The following ATAD2 variants were observed in gnomAD, a reference collection of about 807,000 sequenced individuals.
ATAD2 encodes ATPase family AAA domain containing 2.
In ATAD2, 62 loss-of-function variants were observed where a neutral mutation model predicts 168.9. The ratio of observed to expected loss-of-function variants is 0.37; its 90% CI spans 0.30 to 0.45. The LOEUF is 0.45. Among genes scored for constraint, ATAD2 ranks in the 20% least tolerant of loss-of-function variants. ATAD2 has a pLI of 1.00. For synonymous variants in ATAD2, 613 were observed against 571.6 expected, an observed-to-expected ratio of 1.07 and a Z score of -1.03; for missense variants, 1,419 against 1,667.8, an observed-to-expected ratio of 0.85 and a Z score of 2.60.
rs1563841076 is a variant in ATAD2, at chr8:123,345,079, A to C, written c.2533-10T>G. On this transcript the variant is annotated splice_polypyrimidine_tract_variant and intron_variant, in intron 18 of 27. Transcript: ENST00000287394. The stretch of plus-strand genomic sequence containing the variant: ...TAGCTTCACGAATCACCTAGTAGAG[A>C]GAGAACAAAACAAATTCAGTTAGAG... 6.3e-7 allele frequency: 1 copy of C among 1,586,210 alleles called. No individual in the cohort carries two copies. Among genetic ancestry groups the C allele is most frequent in the Middle Eastern group, 1.7e-4 (1 of 5,922 alleles).
intron 13 of ATAD2, among the ~76,000 whole-genome samples, chr8:123,355,596 A>T (rs987442694): frequency 2.0e-5 from 3 of 152,158 alleles, no homozygotes; most frequent in Non-Finnish European, 4.4e-5. Flanking sequence ...CCTAAGTTAG[A>T]TTTTGTTTAG....
Position 123,356,373 on chromosome 8 carries a change from A to T in ATAD2, c.1646+16T>A, listed in dbSNP as rs377718524. 32 of 1,596,034 alleles carry T rather than the reference A, an allele frequency of 2.0e-5. No individual in the cohort carries two copies. Among genetic ancestry groups the T allele is most frequent in the Non-Finnish European group, 2.4e-5 (28 of 1,165,898 alleles). Reference sequence around the variant, plus strand: ...AAATAGGAAGAAACGTTGAAGTGCCATCAAGCAAGTTTTACCTGTGAATCT... The same window carrying T: ...AAATAGGAAGAAACGTTGAAGTGCCTTCAAGCAAGTTTTACCTGTGAATCT... On this transcript the variant is annotated intron_variant, in intron 13 of 27. Transcript: ENST00000287394.
intron 26 of ATAD2, 26 bp from the exon 27 acceptor site, chr8:123,323,092 T>C (rs543179716): frequency 3.8e-6 from 6 of 1,589,954 alleles, no homozygotes; most frequent in Middle Eastern, 2.0e-4. Flanking sequence ...AGTGTCAATA[T>C]GTGTGAGAGA....
chr8:123,407,597 G>A lies in ATAD2; in HGVS notation c.-2281-6422C>T, dbSNP rs574774876. On this transcript the variant is annotated intron_variant, in intron 1 of 28. Coordinates refer to the ATAD2 transcript ENST00000521903. Reference sequence around the variant, plus strand: ...AAATTAGCTGGGTGTGGTGGCGGGCGCCTGTAGTCCCAGCACTTTGGGAGG... The same window carrying A: ...AAATTAGCTGGGTGTGGTGGCGGGCACCTGTAGTCCCAGCACTTTGGGAGG... Among the ~76,000 whole-genome samples the A allele has an allele frequency of 4.8e-4, 73 of 151,690 alleles. 2 individuals carry two copies. The highest frequency in any genetic ancestry group is 6.8e-3 in the Middle Eastern group (2 of 294).
chr8:123,392,498 TA>T (rs557369612), intron 1 of ATAD2, among the ~76,000 whole-genome samples: 9 of 148,662 alleles, frequency 6.1e-5, no homozygotes, highest in Middle Eastern at 3.5e-3. Flanking sequence ...AGTTTTCTCA[TA>T]AAAAAAAAAT....
upstream of ATAD2, chr8:123,400,938 G>A: frequency 7.2e-7 from 1 of 1,398,182 alleles, no homozygotes; most frequent in Non-Finnish European, 1.0e-6. The surrounding 1 kb of genome is among the most constrained non-coding windows in gnomAD (Gnocchi z 4.5). Context: ...CCATGGTGCT[G>A]AGCCCCTCGC....
At chr8:123,388,155 C>A (rs1829700217) in intron 1 of ATAD2, among the ~76,000 whole-genome samples, 1 of 152,176 alleles carries the variant, frequency 6.6e-6, no homozygotes, top group African/African-American at 2.4e-5. Context: ...ATCCAATAGC[C>A]TTTTCTCTAC....
At chr8:123,361,704 A>G (rs768404929) in intron 8 of ATAD2, 58 bp from the exon 9 acceptor site, 30 of 1,393,742 alleles carry the variant, frequency 2.2e-5, no homozygotes, top group Admixed American at 8.7e-5. Flanking sequence ...AAGAAAAGGC[A>G]TAAGAAAAGC....
intron 2 of ATAD2, among the ~76,000 whole-genome samples, chr8:123,377,628 T>C (rs1383973778): frequency 6.6e-6 from 1 of 152,226 alleles, no homozygotes; most frequent in African/African-American, 2.4e-5. Context: ...TGTATGAATG[T>C]GGTATTGACT....
rs1828252888 is a variant in ATAD2 at position 123,346,658 on chromosome 8, GAGA to G, written c.2302_2304del (p.Ser768del). On this transcript the variant is annotated inframe_deletion, in exon 17 of 28. Coordinates refer to ENST00000287394, the MANE Select transcript of ATAD2 (RefSeq NM_014109.4). ...AAATTAAAATTGTCTTTTGCCTTAT[GAGA>G]AGATTTCTGAGAAAGTCCATTTTCA... 1 of 1,583,564 alleles carries G rather than the reference GAGA, an allele frequency of 6.3e-7. No individual in the cohort carries two copies. The highest frequency in any genetic ancestry group is 8.6e-7 in the Non-Finnish European group (1 of 1,163,708).
At chr8:123,327,991 ATC>A (rs1353686782) in intron 25 of ATAD2, among the ~76,000 whole-genome samples, 197 bp downstream of exon 25, 2 of 152,198 alleles carry the variant, frequency 1.3e-5, no homozygotes, top group Non-Finnish European at 2.9e-5. Context: ...GGAGGCTCAA[ATC>A]TAGGTCTGTT....
intron 11 of ATAD2, among the ~76,000 whole-genome samples, chr8:123,358,723 CTTT>C (rs772822406): frequency 6.0e-4 from 46 of 76,842 alleles, no homozygotes; most frequent in African/African-American, 2.1e-3. Context: ...TGGTACATTA[CTTT>C]TTTTTTTTTT....
intron 22 of ATAD2, among the ~76,000 whole-genome samples, chr8:123,335,827 T>C (rs1586860937): frequency 6.6e-6 from 1 of 152,026 alleles, no homozygotes. Context: ...ATAGATGCGA[T>C]AGGTGAAAGC....
chr8:123,330,717 G>C (rs1375723306), intron 24 of ATAD2, among the ~76,000 whole-genome samples: 2 of 151,936 alleles, frequency 1.3e-5, no homozygotes, highest in Non-Finnish European at 2.9e-5. Flanking sequence ...ACCATCTTTT[G>C]CTGGCATTAA....
At chr8:123,343,647 A>G (rs886138214) in intron 19 of ATAD2, among the ~76,000 whole-genome samples, 2 of 152,244 alleles carry the variant, frequency 1.3e-5, no homozygotes, top group African/African-American at 2.4e-5. Flanking sequence ...ACAGAAGCCT[A>G]CAATATGCTT....
intron 1 of ATAD2, among the ~76,000 whole-genome samples, chr8:123,382,016 A>C (rs1186799154): frequency 6.6e-6 from 1 of 152,204 alleles, no homozygotes; most frequent in Non-Finnish European, 1.5e-5. Context: ...ACTGCACTCC[A>C]GCCTGGGCGA....
intron 19 of ATAD2, chr8:123,344,628 T>A: frequency 2.7e-6 from 1 of 377,172 alleles, no homozygotes; most frequent in Non-Finnish European, 5.0e-6. Context: ...ATTACAGGCG[T>A]GAGCCACTGC....
At position 123,336,458 on chromosome 8, in the gene ATAD2, C is replaced by T. The variant is rs1035916487; in HGVS notation, c.3126G>A (p.Lys1042=). 3 of 1,577,206 alleles carry T rather than the reference C, an allele frequency of 1.9e-6. No individual in the cohort carries two copies. In the African/African-American group the frequency reaches 4.1e-5, roughly 22 times the overall value. The change falls in exon 22 of 28, where the codon AAG becomes AAA. Residue 1042 remains lysine (K), a synonymous_variant. Transcript: ENST00000287394. ...SSVISKIDLH[K]YLTVKDYLRD... ...TCAAATAGTCTTTCACAGTCAGATA[C>T]TTGTGTAGATCAATTTTACTGATTA...
At chr8:123,326,991 C>T (rs1363167078) in intron 25 of ATAD2, among the ~76,000 whole-genome samples, 1 of 152,116 alleles carries the variant, frequency 6.6e-6, no homozygotes, top group Admixed American at 6.5e-5. Flanking sequence ...CAACCTCTGC[C>T]TCCACCTCCC....
Sources: gnomAD v4.1 joint callset for allele counts (sites outside exome capture counted in the v4.1 genomes callset) on GRCh38, gnomAD v4.1.1 for gene constraint, Gnocchi (gnomAD v3.1) non-coding constraint, MANE v1.5 for transcripts, NCBI Gene and HGNC (gene_info 2026-07-23, HGNC 2026-07-21) for gene names.